SHROOM3: variants seen among roughly 807,000 people sequenced by gnomAD.
The protein encoded by SHROOM3 is shroom family member 3, also known as protein Shroom3.
SHROOM3 carries 47 observed loss-of-function variants against 138.6 expected under a neutral mutation model. That is an observed-to-expected ratio of 0.34 (90% CI 0.27 to 0.43). The LOEUF is 0.43. SHROOM3 is among the 20% of genes least tolerant of loss of function. The pLI is 1.00. For synonymous variants in SHROOM3, 1,062 were observed against 1,063.3 expected, an observed-to-expected ratio of 1.00 and a Z score of 0.02; for missense variants, 2,491 against 2,596.5, an observed-to-expected ratio of 0.96 and a Z score of 0.88.
At chr4:76,634,434 T>C (rs1735432919) in intron 2 of SHROOM3, among the ~76,000 whole-genome samples, 1 of 152,184 alleles carries the variant, frequency 6.6e-6, no homozygotes, top group South Asian at 2.1e-4. Flanking sequence ...TTTATTATGG[T>C]GATGCAGCTT....
intron 2 of SHROOM3, among the ~76,000 whole-genome samples, chr4:76,597,606 G>A (rs1196183488): frequency 6.6e-6 from 1 of 152,134 alleles, no homozygotes; most frequent in African/African-American, 2.4e-5. Flanking sequence ...AAAGAAAGGA[G>A]CAGGAGCCAG....
chr4:76,517,801 G>A (rs1235407849), intron 1 of SHROOM3, among the ~76,000 whole-genome samples: 1 of 152,106 alleles, frequency 6.6e-6, no homozygotes, highest in Non-Finnish European at 1.5e-5. Context: ...GCCAGAATTT[G>A]TTACCATGTG....
At chr4:76,520,427 A>ATG (rs1732539063) in intron 1 of SHROOM3, among the ~76,000 whole-genome samples, 1 of 152,126 alleles carries the variant, frequency 6.6e-6, no homozygotes, top group African/African-American at 2.4e-5. Context: ...TAAGCTATAT[A>ATG]TATATATACT....
chr4:76,768,634 C>CT (rs151178356), intron 9 of SHROOM3, among the ~76,000 whole-genome samples: 4,064 of 152,234 alleles, frequency 0.027, 187 homozygotes, highest in African/African-American at 0.092. Flanking sequence ...CCTCAGCCTC[C>CT]TAGTAGCTGG....
At chr4:76,752,176 A>C (rs1321026371) in intron 6 of SHROOM3, among the ~76,000 whole-genome samples, 4 of 152,254 alleles carry the variant, frequency 2.6e-5, no homozygotes, top group Non-Finnish European at 5.9e-5. Context: ...ACATGACATT[A>C]CGTGAAGTGA....
At chr4:76,708,988 T>C (rs1389883843) in intron 2 of SHROOM3, among the ~76,000 whole-genome samples, 25 of 152,238 alleles carry the variant, frequency 1.6e-4, no homozygotes, top group Non-Finnish European at 7.3e-5. Context: ...TAGATATAAC[T>C]AAGGTAAACA....
chr4:76,646,216 T>TAATAAATAAATAAATAAATA (rs1452185122), intron 2 of SHROOM3, among the ~76,000 whole-genome samples: 2 of 105,182 alleles, frequency 1.9e-5, no homozygotes, highest in Non-Finnish European at 1.9e-5. Context: ...ACTTAAAGTA[T>TAATAAATAAATAAATAAATA]AATAAATAAA....
chr4:76,465,309 A>T (rs898196668), intron 1 of SHROOM3, among the ~76,000 whole-genome samples: 1 of 152,260 alleles, frequency 6.6e-6, no homozygotes, highest in East Asian at 1.9e-4. Flanking sequence ...TTCAAGGAAC[A>T]TAATTGTCAG....
chr4:76,485,050 A>C (rs554382382), intron 1 of SHROOM3, among the ~76,000 whole-genome samples: 1 of 152,326 alleles, frequency 6.6e-6, no homozygotes, highest in African/African-American at 2.4e-5. Context: ...CACTCTTCTC[A>C]TATCACATGG....
At chr4:76,527,740 C>G (rs913435051) in intron 1 of SHROOM3, among the ~76,000 whole-genome samples, 1 of 152,226 alleles carries the variant, frequency 6.6e-6, no homozygotes, top group Admixed American at 6.5e-5. Context: ...CAAAGGAAGG[C>G]TGGCTCCATG....
chr4:76,516,240 CA>C (rs1207167934), intron 1 of SHROOM3, among the ~76,000 whole-genome samples: 1 of 152,182 alleles, frequency 6.6e-6, no homozygotes, highest in Admixed American at 6.5e-5. Context: ...TTCTCCTGTT[CA>C]GTTCCTCTTT....
In SHROOM3 at chr4:76,739,247, C is replaced by A. The variant is rs764489203; in HGVS notation, c.1074C>A (p.Pro358=). ...SNIPRGKGVP[P]PSWSQQCPSS... ...TTCCTCGGGGCAAGGGAGTGCCACC[C>A]CCATCCTGGAGCCAGCAGTGCCCCA... is the stretch of plus-strand genomic sequence containing the variant. The change falls in exon 5 of 11, where the codon CCC becomes CCA. Residue 358 remains proline, a synonymous_variant. Transcript: ENST00000296043. 1.6e-5 allele frequency: 26 copies of A among 1,613,942 alleles called. No individual in the cohort carries two copies. The African/African-American group carries it at 3.5e-4, about 22-fold the overall frequency.
intron 2 of SHROOM3, among the ~76,000 whole-genome samples, chr4:76,672,242 G>A (rs796385448): frequency 5.3e-5 from 8 of 152,200 alleles, no homozygotes; most frequent in African/African-American, 1.9e-4. Context: ...CATACAAAGT[G>A]CTAAGGTTAT....
Position 76,468,563 on chromosome 4 carries a change from AATT to A in SHROOM3, c.168+32349_168+32351del, listed in dbSNP as rs202126904. On this transcript the variant is annotated intron_variant, in intron 1 of 10. Transcript: ENST00000296043. ...TTTTTAAATTATTATGTTAATTCAT[AATT>A]ATTATGATAATTAAAGCCAAAATTG... Among the ~76,000 whole-genome samples, 1,115 of 151,276 alleles carry A rather than the reference AATT, an allele frequency of 7.4e-3. 13 individuals are homozygous for A. Among genetic ancestry groups the A allele is most frequent in the African/African-American group, 0.026 (1,066 of 41,374 alleles).
At chr4:76,442,442 C>T (rs1730712066) in intron 1 of SHROOM3, among the ~76,000 whole-genome samples, 5 of 130,412 alleles carry the variant, frequency 3.8e-5, no homozygotes, top group Admixed American at 2.7e-4. Context: ...CAGAGTCTTG[C>T]TCTGTCGCCC....
At chr4:76,703,355 G>T (rs2110113853) in intron 2 of SHROOM3, among the ~76,000 whole-genome samples, 1 of 152,180 alleles carries the variant, frequency 6.6e-6, no homozygotes, top group Admixed American at 6.5e-5. Flanking sequence ...GGACCCAGAA[G>T]GTTAAGACTT....
intron 2 of SHROOM3, among the ~76,000 whole-genome samples, chr4:76,582,881 A>G (rs1204501666): frequency 6.6e-6 from 1 of 152,188 alleles, no homozygotes; most frequent in African/African-American, 2.4e-5. Context: ...CTTCTGGTCC[A>G]GTGTGCAGCG....
intron 8 of SHROOM3, chr4:76,758,242 A>AC (rs1391395625): frequency 1.3e-5 from 2 of 152,124 alleles, no homozygotes; most frequent in Admixed American, 1.3e-4. Flanking sequence ...TACTATGGGG[A>AC]CCCCAAAGAT....
At chr4:76,445,062 AC>A (rs1263266143) in intron 1 of SHROOM3, among the ~76,000 whole-genome samples, 2 of 151,264 alleles carry the variant, frequency 1.3e-5, no homozygotes, top group Admixed American at 6.6e-5. Flanking sequence ...GTGCTACTGC[AC>A]TGTAGCCAGG....
Sources: gnomAD v4.1 joint callset for allele counts (sites outside exome capture counted in the v4.1 genomes callset) on GRCh38, gnomAD v4.1.1 for gene constraint, MANE v1.5 for transcripts, NCBI Gene and HGNC (gene_info 2026-07-23, HGNC 2026-07-21) for gene names.